ATG7: variants seen among roughly 807,000 people sequenced by gnomAD.
The protein encoded by ATG7 is autophagy related 7.
In ATG7, 70 loss-of-function variants were observed where a neutral mutation model predicts 82.4. The ratio of observed to expected loss-of-function variants is 0.85; its 90% confidence interval spans 0.70 to 1.04. ATG7 has a LOEUF of 1.04. Ranked by LOEUF, ATG7 falls within the 50% of genes least tolerant of loss-of-function variation. ATG7 has a pLI of 0.00. For missense variants in ATG7, 792 were observed against 864.3 expected, an observed-to-expected ratio of 0.92 and a Z score of 1.05; for synonymous variants, 287 against 313.0, an observed-to-expected ratio of 0.92 and a Z score of 0.88.
At chr3:11,393,310 A>G (rs1249377901) in intron 19 of ATG7, among the ~76,000 whole-genome samples, 1 of 151,940 alleles carries the variant, frequency 6.6e-6, no homozygotes, top group Non-Finnish European at 1.5e-5. Context: ...TAGATTTCAA[A>G]GCTGTAGCTG....
intron 20 of ATG7, among the ~76,000 whole-genome samples, chr3:11,515,652 G>A (rs2574698): frequency 0.54 from 81,732 of 152,016 alleles, 22,651 homozygotes; most frequent in Non-Finnish European, 0.62. Flanking sequence ...TGGGCTGCAC[G>A]GCCACATGTA....
chr3:11,543,326 G>C (rs1466469165), intron 20 of ATG7, among the ~76,000 whole-genome samples: 1 of 152,178 alleles, frequency 6.6e-6, no homozygotes. Flanking sequence ...GCAGGGGGCT[G>C]GGGTTGGAAA....
intron 19 of ATG7, among the ~76,000 whole-genome samples, chr3:11,425,460 C>T (rs971341019): frequency 3.9e-5 from 6 of 152,158 alleles, no homozygotes; most frequent in African/African-American, 1.4e-4. Flanking sequence ...TTAGATATGT[C>T]TTCAATGTCT....
intron 20 of ATG7, among the ~76,000 whole-genome samples, chr3:11,453,616 A>G (rs749416160): frequency 3.3e-5 from 5 of 152,234 alleles, no homozygotes; most frequent in Non-Finnish European, 7.3e-5. Context: ...GGGCGACATC[A>G]TTTAGCTCTC....
intron 20 of ATG7, among the ~76,000 whole-genome samples, chr3:11,519,715 G>A (rs1488695816): frequency 4.6e-5 from 7 of 151,318 alleles, no homozygotes; most frequent in East Asian, 1.9e-4. Flanking sequence ...GCCCGTCACC[G>A]CGCCCGGCTA....
chr3:11,424,846 C>CTT (rs2082228114), intron 19 of ATG7, among the ~76,000 whole-genome samples: 1 of 152,122 alleles, frequency 6.6e-6, no homozygotes, highest in African/African-American at 2.4e-5. Context: ...TCCTTCCACT[C>CTT]TTTTTGAACA....
chr3:11,452,377 C>A (rs1418453271), intron 20 of ATG7, among the ~76,000 whole-genome samples: 2 of 103,758 alleles, frequency 1.9e-5, no homozygotes, highest in African/African-American at 8.7e-5. Context: ...AGAGCGAGAA[C>A]CTGTCTCAAA....
At chr3:11,472,310 A>G (rs932495087) in intron 20 of ATG7, among the ~76,000 whole-genome samples, 2 of 152,096 alleles carry the variant, frequency 1.3e-5, no homozygotes, top group East Asian at 1.9e-4. Flanking sequence ...CAAGATGGCA[A>G]TTGGTAGCTC....
intron 9 of ATG7, among the ~76,000 whole-genome samples, chr3:11,320,005 A>G (rs909561762): frequency 2.0e-5 from 3 of 152,140 alleles, no homozygotes; most frequent in Non-Finnish European, 2.9e-5. Flanking sequence ...CCTGTGCTCT[A>G]AGAGTAGGGG....
intron 19 of ATG7, among the ~76,000 whole-genome samples, chr3:11,415,222 A>T (rs1014945141): frequency 6.6e-6 from 1 of 152,218 alleles, no homozygotes; most frequent in Admixed American, 6.5e-5. Flanking sequence ...AGATTTTTTT[A>T]AAATGGTACA....
chr3:11,507,152 C>T (rs1369939173), intron 20 of ATG7, among the ~76,000 whole-genome samples: 3 of 151,636 alleles, frequency 2.0e-5, no homozygotes, highest in East Asian at 3.9e-4. Context: ...TGAGGTGGCA[C>T]GCACCTGTAG....
At chr3:11,481,925 G>T (rs1293897003) in intron 20 of ATG7, among the ~76,000 whole-genome samples, 1 of 152,222 alleles carries the variant, frequency 6.6e-6, no homozygotes, top group Non-Finnish European at 1.5e-5. Context: ...GTTTGTGAGA[G>T]CACTTAGTGC....
the ATG7 span, among the ~76,000 whole-genome samples, chr3:11,573,304 A>AAAGGAAGG: frequency 4.1e-4 from 5 of 12,068 alleles, no homozygotes; most frequent in Non-Finnish European, 5.8e-4. Context: ...AGAAAGAAAG[A>AAAGGAAGG]AAGGAAGGAA....
chr3:11,489,246 G>T (rs1407652776), intron 20 of ATG7, among the ~76,000 whole-genome samples: 1 of 152,194 alleles, frequency 6.6e-6, no homozygotes, highest in African/African-American at 2.4e-5. Flanking sequence ...GTCTGCAGAG[G>T]TTACTGCTGT....
chr3:11,339,294 T>TC (rs1953087258), intron 11 of ATG7, among the ~76,000 whole-genome samples: 1 of 73,188 alleles, frequency 1.4e-5, no homozygotes, highest in African/African-American at 4.8e-5. Flanking sequence ...AGACTCTGTT[T>TC]CAAAAAAAAA....
chr3:11,314,309 G>C (rs1949084306), intron 8 of ATG7, among the ~76,000 whole-genome samples: 1 of 152,146 alleles, frequency 6.6e-6, no homozygotes, highest in African/African-American at 2.4e-5. Context: ...AAGATGATTT[G>C]AATTCTTGAA....
chr3:11,391,588 G>C (rs1038101518), intron 19 of ATG7, among the ~76,000 whole-genome samples: 1 of 152,178 alleles, frequency 6.6e-6, no homozygotes, highest in African/African-American at 2.4e-5. Context: ...TCTTGTCCCT[G>C]TCCCACATTG....
At chr3:11,340,785 A>T (rs767957036) in intron 12 of ATG7, 50 bp downstream of exon 12, 4 of 1,527,068 alleles carry the variant, frequency 2.6e-6, no homozygotes, top group South Asian at 1.1e-5. Context: ...TAACCAAGAC[A>T]CACACCAAGT....
At chr3:11,488,829 A>G (rs1422468163) in intron 20 of ATG7, among the ~76,000 whole-genome samples, 1 of 152,190 alleles carries the variant, frequency 6.6e-6, no homozygotes, top group African/African-American at 2.4e-5. Context: ...GGATTTTTGC[A>G]TCAATGTTCA....
Sources: gnomAD v4.1 joint callset for allele counts (sites outside exome capture counted in the v4.1 genomes callset) on GRCh38, gnomAD v4.1.1 for gene constraint, MANE v1.5 for transcripts, NCBI Gene and HGNC (gene_info 2026-07-23, HGNC 2026-07-21) for gene names.